Variants in BLTP1 observed in about 807,000 individuals in gnomAD.
BLTP1 encodes bridge-like lipid transfer protein family member 1, also known as fragile site-associated protein.
At chr4:122,250,890 G>A in the BLTP1 span, 1 of 968,206 alleles carries the variant, frequency 1.0e-6, no homozygotes. Context: ...AGGGTGTGGA[G>A]GATTTTAGCA....
the BLTP1 span, among the ~76,000 whole-genome samples, chr4:122,321,571 T>C: frequency 6.6e-6 from 1 of 152,134 alleles, no homozygotes; most frequent in African/African-American, 2.4e-5. Flanking sequence ...ACATGTGATA[T>C]ATATAGTCAA....
chr4:122,287,933 C>T, the BLTP1 span, among the ~76,000 whole-genome samples: 7 of 152,048 alleles, frequency 4.6e-5, no homozygotes, highest in East Asian at 1.9e-4. Flanking sequence ...AGAAAATACA[C>T]GAATACAGTG....
the BLTP1 span, chr4:122,309,217 TAAA>T: frequency 6.3e-6 from 10 of 1,579,610 alleles, no homozygotes; most frequent in East Asian, 1.8e-4. Context: ...TTTCTAAGTT[TAAA>T]AAATTGTCAC....
At chr4:122,283,655 C>T in the BLTP1 span, among the ~76,000 whole-genome samples, 236 of 152,234 alleles carry the variant, frequency 1.6e-3, no homozygotes, top group Admixed American at 3.5e-3. Context: ...TATAGGCATG[C>T]ACCACCACAT....
the BLTP1 span, chr4:122,351,160 G>A: frequency 2.6e-6 from 1 of 378,998 alleles, no homozygotes; most frequent in Non-Finnish European, 3.6e-6. Context: ...TCACTAGGAT[G>A]ATAGAGGTGT....
At chr4:122,197,009 A>G in the BLTP1 span, 32 of 182,068 alleles carry the variant, frequency 1.8e-4, no homozygotes, top group Admixed American at 2.6e-4. Flanking sequence ...ATTCTGGCTC[A>G]TTTTCTCCTT....
At chr4:122,352,924 C>T in the BLTP1 span, 5 of 1,613,816 alleles carry the variant, frequency 3.1e-6, no homozygotes, top group Non-Finnish European at 4.2e-6. Context: ...AGCACATCAT[C>T]GACACTGGCC....
At chr4:122,183,780 A>G in the BLTP1 span, among the ~76,000 whole-genome samples, 2 of 152,066 alleles carry the variant, frequency 1.3e-5, no homozygotes, top group East Asian at 3.9e-4. Context: ...GGTTAATAGC[A>G]TGGGATATTA....
chr4:122,206,122 GA>G, the BLTP1 span: 1 of 910,226 alleles, frequency 1.1e-6, no homozygotes, highest in South Asian at 5.1e-5. Context: ...AATTGGCAAT[GA>G]ACAAATATGA....
the BLTP1 span, among the ~76,000 whole-genome samples, chr4:122,287,321 A>G: frequency 6.6e-6 from 1 of 152,250 alleles, no homozygotes; most frequent in Admixed American, 6.5e-5. Context: ...TAATTCCATC[A>G]TAATTTTTTC....
the BLTP1 span, chr4:122,292,361 T>C: frequency 2.3e-6 from 2 of 868,976 alleles, no homozygotes; most frequent in South Asian, 1.1e-4. Context: ...TAAGAAAAAT[T>C]AGACAGATGT....
At chr4:122,196,686 T>G in the BLTP1 span, 3 of 1,611,628 alleles carry the variant, frequency 1.9e-6, no homozygotes. Context: ...TTCTGAAAGT[T>G]TCTGAAATTG....
the BLTP1 span, chr4:122,337,147 T>G: frequency 1.2e-6 from 1 of 801,474 alleles, no homozygotes; most frequent in Non-Finnish European, 2.0e-6. Flanking sequence ...TTTAGTATGT[T>G]TGTGATGGCT....
At chr4:122,351,682 G>A in the BLTP1 span, among the ~76,000 whole-genome samples, 2 of 152,058 alleles carry the variant, frequency 1.3e-5, no homozygotes, top group South Asian at 2.1e-4. Context: ...ACTTCTTTGT[G>A]GTGTCATTTA....
the BLTP1 span, among the ~76,000 whole-genome samples, chr4:122,321,384 A>G: frequency 6.6e-6 from 1 of 152,132 alleles, no homozygotes; most frequent in African/African-American, 2.4e-5. Context: ...ATATTTAAGC[A>G]TATATAAGCA....
At chr4:122,284,208 T>C in the BLTP1 span, among the ~76,000 whole-genome samples, 93 of 152,296 alleles carry the variant, frequency 6.1e-4, no homozygotes, top group South Asian at 0.018. Flanking sequence ...TACCAATAAG[T>C]TGTAGATTCT....
At chr4:122,291,995 G>A in the BLTP1 span, 1 of 163,346 alleles carries the variant, frequency 6.1e-6, no homozygotes, top group Admixed American at 8.7e-5. Context: ...TTTTTGAGAT[G>A]GAGTCGCACT....
the BLTP1 span, among the ~76,000 whole-genome samples, chr4:122,158,291 G>A: frequency 2.8e-4 from 43 of 152,198 alleles, no homozygotes; most frequent in African/African-American, 9.6e-4. Flanking sequence ...TTTCATTCGT[G>A]GTAGTTTCTA....
chr4:122,210,757 A>G, the BLTP1 span: 1 of 1,149,828 alleles, frequency 8.7e-7, no homozygotes, highest in Non-Finnish European at 1.2e-6. Flanking sequence ...TATATACATT[A>G]TGTAAAGATT....
Sources: allele counts gnomAD v4.1 joint callset (sites outside exome capture counted in the v4.1 genomes callset), GRCh38; gene constraint gnomAD v4.1.1; transcripts MANE v1.5; gene names NCBI Gene and HGNC (gene_info 2026-07-23, HGNC 2026-07-21).